The following ZRANB3 variants were observed in gnomAD, a reference collection of about 807,000 sequenced individuals.
ZRANB3 encodes DNA annealing helicase and endonuclease ZRANB3.
ZRANB3 carries 125 observed loss-of-function variants against 133.8 expected under a neutral mutation model. That is an observed-to-expected ratio of 0.93 (90% CI 0.81 to 1.08). ZRANB3 has a LOEUF of 1.08. ZRANB3 is among the 50% of genes least tolerant of loss of function. ZRANB3 has a pLI of 0.00. For synonymous variants in ZRANB3, 387 were observed against 432.7 expected, an observed-to-expected ratio of 0.89 and a Z score of 1.31; for missense variants, 1,229 against 1,275.5, an observed-to-expected ratio of 0.96 and a Z score of 0.56.
intron 3 of ZRANB3, among the ~76,000 whole-genome samples, chr2:135,376,229 C>G (rs1686422891): frequency 6.6e-6 from 1 of 152,194 alleles, no homozygotes; most frequent in Non-Finnish European, 1.5e-5. Flanking sequence ...ACACCTATTT[C>G]AGACTTCTAG....
At chr2:135,431,856 G>A (rs958121181) in intron 2 of ZRANB3, among the ~76,000 whole-genome samples, 6 of 152,056 alleles carry the variant, frequency 3.9e-5, no homozygotes, top group Non-Finnish European at 8.8e-5. Flanking sequence ...ATTTGCTGGT[G>A]GAAATGAAAA....
chr2:135,364,524 GA>G (rs1282517253), intron 3 of ZRANB3, among the ~76,000 whole-genome samples: 1 of 152,116 alleles, frequency 6.6e-6, no homozygotes, highest in Non-Finnish European at 1.5e-5. Flanking sequence ...GAGGTGGGCG[GA>G]TAACTTGAGG....
chr2:135,435,336 T>C (rs372513946), intron 2 of ZRANB3, among the ~76,000 whole-genome samples: 2 of 152,256 alleles, frequency 1.3e-5, no homozygotes, highest in African/African-American at 4.8e-5. Context: ...TTCTTTTTTA[T>C]GGCTGCATAG....
intron 3 of ZRANB3, among the ~76,000 whole-genome samples, chr2:135,363,921 A>G (rs1169696482): frequency 1.3e-5 from 2 of 152,164 alleles, no homozygotes; most frequent in African/African-American, 4.8e-5. Context: ...TACAAAAAAT[A>G]CAAAAATTTG....
chr2:135,448,845 G>A (rs1690142591), intron 2 of ZRANB3, among the ~76,000 whole-genome samples: 4 of 152,140 alleles, frequency 2.6e-5, no homozygotes, highest in Admixed American at 2.6e-4. Flanking sequence ...AGCTAACTGT[G>A]GCAGACTGTA....
intron 12 of ZRANB3, among the ~76,000 whole-genome samples, chr2:135,240,588 T>C (rs1364918876): frequency 1.3e-5 from 2 of 152,184 alleles, no homozygotes; most frequent in Non-Finnish European, 2.9e-5. Flanking sequence ...CCTTGAATCC[T>C]TCCTTTTTGA....
chr2:135,454,046 T>A (rs142261539), intron 2 of ZRANB3, among the ~76,000 whole-genome samples: 1 of 152,288 alleles, frequency 6.6e-6, no homozygotes, highest in East Asian at 1.9e-4. Flanking sequence ...TCTTACATGG[T>A]GGCAGCAAAA....
At chr2:135,314,556 A>G (rs1006178022) in intron 7 of ZRANB3, among the ~76,000 whole-genome samples, 2 of 152,194 alleles carry the variant, frequency 1.3e-5, no homozygotes, top group African/African-American at 4.8e-5. Flanking sequence ...AGGATTAGGT[A>G]AGGATTAGTA....
At chr2:135,476,062 A>T (rs998218590) in intron 2 of ZRANB3, among the ~76,000 whole-genome samples, 1 of 152,202 alleles carries the variant, frequency 6.6e-6, no homozygotes, top group Non-Finnish European at 1.5e-5. Context: ...TGGACAACAG[A>T]ACAAGACTCC....
intron 2 of ZRANB3, among the ~76,000 whole-genome samples, chr2:135,480,336 T>C (rs1040737970): frequency 2.6e-5 from 4 of 152,170 alleles, no homozygotes; most frequent in Admixed American, 1.3e-4. Flanking sequence ...AATCTTCTTA[T>C]AGTAAAACCA....
chr2:135,396,482 T>TA (rs1265210625), intron 2 of ZRANB3, among the ~76,000 whole-genome samples: 23 of 152,200 alleles, frequency 1.5e-4, no homozygotes, highest in Admixed American at 4.6e-4. Flanking sequence ...TATTCAGCCA[T>TA]AAAAAAGAAT....
intron 12 of ZRANB3, among the ~76,000 whole-genome samples, chr2:135,249,311 C>G (rs1679252739): frequency 6.6e-6 from 1 of 152,166 alleles, no homozygotes; most frequent in African/African-American, 2.4e-5. Context: ...TTCACTGTAG[C>G]ACTATTTGCA....
chr2:135,504,528 G>T, intron 1 of ZRANB3, 32 bp from the exon 2 acceptor site: 3 of 1,571,534 alleles, frequency 1.9e-6, no homozygotes, highest in Non-Finnish European at 8.6e-7. Context: ...AAAAGGGAGG[G>T]GTATAAGAAA....
chr2:135,378,710 G>C (rs1488051227), intron 3 of ZRANB3, among the ~76,000 whole-genome samples: 3 of 152,160 alleles, frequency 2.0e-5, no homozygotes, highest in Non-Finnish European at 4.4e-5. Flanking sequence ...TTTGTATGAT[G>C]TGATGACAAT....
At chr2:135,387,601 C>T (rs903977290) in intron 3 of ZRANB3, among the ~76,000 whole-genome samples, 3 of 151,960 alleles carry the variant, frequency 2.0e-5, no homozygotes, top group Non-Finnish European at 4.4e-5. Flanking sequence ...AAGATTTTTT[C>T]TTAATCAACA....
At chr2:135,415,944 G>A (rs1371751134) in intron 2 of ZRANB3, among the ~76,000 whole-genome samples, 1 of 151,932 alleles carries the variant, frequency 6.6e-6, no homozygotes, top group Non-Finnish European at 1.5e-5. Flanking sequence ...ATTAGGTATT[G>A]ATGGGACGTA....
Position 135,269,158 on chromosome 2 carries a change from A to G in ZRANB3, c.1207-17T>C. The G allele has an allele frequency of 6.3e-7, 1 of 1,575,392 alleles. No homozygotes were observed. On this transcript the variant is annotated splice_polypyrimidine_tract_variant and intron_variant, in intron 10 of 20. Transcript: ENST00000264159. ...TGTTAATCCCTAAGTGAAATAAAGCAAATAAATTGAGAATGTAACATACAG... is the reference window on the plus strand; with the variant it reads ...TGTTAATCCCTAAGTGAAATAAAGCGAATAAATTGAGAATGTAACATACAG...
intron 2 of ZRANB3, among the ~76,000 whole-genome samples, chr2:135,497,472 GAATT>G (rs1336407745): frequency 2.0e-5 from 3 of 152,006 alleles, no homozygotes; most frequent in Non-Finnish European, 4.4e-5. Flanking sequence ...ATTTAAATTT[GAATT>G]AATTAAAATT....
intron 12 of ZRANB3, among the ~76,000 whole-genome samples, chr2:135,260,649 C>T (rs1389192679): frequency 6.9e-6 from 1 of 144,908 alleles, no homozygotes; most frequent in Non-Finnish European, 1.5e-5. Context: ...TATATATGTA[C>T]TATATATACT....
Sources: gnomAD v4.1 joint callset for allele counts (sites outside exome capture counted in the v4.1 genomes callset) on GRCh38, gnomAD v4.1.1 for gene constraint, MANE v1.5 for transcripts, NCBI Gene and HGNC (gene_info 2026-07-23, HGNC 2026-07-21) for gene names.